The following KCNMA1 variants were observed in gnomAD, a reference collection of about 807,000 sequenced individuals.
KCNMA1 encodes potassium calcium-activated channel subfamily M alpha 1.
A neutral mutation model predicts 140.0 loss-of-function variants in KCNMA1; 29 were observed. The observed-to-expected ratio is 0.21, with a 90% confidence interval of 0.15 to 0.28. KCNMA1 has a LOEUF of 0.28. Among genes scored for constraint, KCNMA1 ranks in the 10% least tolerant of loss-of-function variants. KCNMA1 has a pLI of 1.00. For synonymous variants in KCNMA1, 612 were observed against 611.9 expected (o/e 1.00, Z 0.00); for missense variants, 880 against 1,602.2 (o/e 0.55, Z 7.70).
intron 6 of KCNMA1, among the ~76,000 whole-genome samples, chr10:77,114,347 C>G (rs1275454762): frequency 2.0e-5 from 3 of 152,174 alleles, no homozygotes; most frequent in Non-Finnish European, 4.4e-5. Flanking sequence ...TCTGCCCCTG[C>G]TCTCTTTCTA....
At chr10:77,461,952 G>T (rs1448958368) in intron 1 of KCNMA1, among the ~76,000 whole-genome samples, 1 of 151,998 alleles carries the variant, frequency 6.6e-6, no homozygotes, top group East Asian at 1.9e-4. Context: ...CTGACTATGG[G>T]GCTTCACAGA....
At chr10:77,594,643 C>T (rs1425326393) in intron 1 of KCNMA1, among the ~76,000 whole-genome samples, 1 of 152,174 alleles carries the variant, frequency 6.6e-6, no homozygotes, top group Non-Finnish European at 1.5e-5. Flanking sequence ...TGAGAAGACA[C>T]TTCAAAAACT....
chr10:77,098,122 A>T (rs2096984758), intron 9 of KCNMA1, among the ~76,000 whole-genome samples: 1 of 152,202 alleles, frequency 6.6e-6, no homozygotes. Context: ...GACCTCCATA[A>T]TTAGACCGTG....
intron 1 of KCNMA1, among the ~76,000 whole-genome samples, chr10:77,437,690 T>TTC (rs2097293515): frequency 6.6e-6 from 1 of 152,180 alleles, no homozygotes; most frequent in African/African-American, 2.4e-5. Flanking sequence ...CTTAATGGGC[T>TTC]TCTGATGGCA....
intron 23 of KCNMA1, among the ~76,000 whole-genome samples, chr10:76,942,381 A>C (rs1468135255): frequency 6.6e-6 from 1 of 152,204 alleles, no homozygotes; most frequent in East Asian, 1.9e-4. Context: ...CAATGTATGT[A>C]TTTGGCAGGG....
chr10:77,359,436 G>C (rs559670052), intron 2 of KCNMA1, among the ~76,000 whole-genome samples: 1 of 152,140 alleles, frequency 6.6e-6, no homozygotes, highest in Non-Finnish European at 1.5e-5. Flanking sequence ...AACAACACAG[G>C]CCTGTGGGGT....
intron 2 of KCNMA1, among the ~76,000 whole-genome samples, chr10:77,370,999 A>G (rs147577128): frequency 1.0e-3 from 156 of 152,296 alleles, no homozygotes; most frequent in African/African-American, 3.5e-3. Context: ...CAACAACACC[A>G]TATGAAGACT....
chr10:77,109,375 T>G (rs1402627330), intron 8 of KCNMA1, among the ~76,000 whole-genome samples: 2 of 149,524 alleles, frequency 1.3e-5, no homozygotes, highest in Non-Finnish European at 3.0e-5. Flanking sequence ...GTGTATGGAT[T>G]AGGATTTTAA....
intron 3 of KCNMA1, among the ~76,000 whole-genome samples, chr10:77,228,641 T>G (rs1295552426): frequency 6.6e-6 from 1 of 152,238 alleles, no homozygotes; most frequent in African/African-American, 2.4e-5. Flanking sequence ...AAATATCAAT[T>G]TGAAGGCACA....
chr10:77,359,578 C>A lies in KCNMA1; in HGVS notation c.540+44284G>T, dbSNP rs955776342. On this transcript the variant is annotated intron_variant, in intron 2 of 27. Coordinates refer to ENST00000286628, the MANE Select transcript of KCNMA1 (RefSeq NM_001161352.2). ...AAAAAAGCATGTTCTCATTATGAAA[C>A]CTTAGAAGGCAGCTCCCACGCCAGG... Among the ~76,000 whole-genome samples, 4 of 152,172 alleles carry A rather than the reference C, an allele frequency of 2.6e-5. No individual in the cohort carries two copies. The South Asian group carries it at 8.3e-4, about 32-fold the overall frequency.
chr10:77,485,682 G>A (rs1227157865), intron 1 of KCNMA1, among the ~76,000 whole-genome samples: 2 of 152,206 alleles, frequency 1.3e-5, no homozygotes, highest in East Asian at 3.8e-4. Context: ...GACCTAACAA[G>A]CAAGAGCAGG....
At chr10:77,180,662 G>C (rs2098795938) in intron 5 of KCNMA1, among the ~76,000 whole-genome samples, 2 of 152,168 alleles carry the variant, frequency 1.3e-5, no homozygotes, top group South Asian at 2.1e-4. Context: ...AGGGTAGGGG[G>C]ATAGGACTCT....
chr10:76,977,529 A>T (rs771023815), intron 19 of KCNMA1: 2 of 702,776 alleles, frequency 2.8e-6, no homozygotes, highest in Non-Finnish European at 5.2e-6. Context: ...AGACTAAGAT[A>T]TTAACTCGCT....
intron 9 of KCNMA1, among the ~76,000 whole-genome samples, chr10:77,094,766 T>C (rs1220083752): frequency 1.3e-5 from 2 of 152,078 alleles, no homozygotes; most frequent in African/African-American, 2.4e-5. Flanking sequence ...AGTGGCTCAA[T>C]CAGAGGTAAT....
intron 1 of KCNMA1, among the ~76,000 whole-genome samples, chr10:77,516,887 G>A (rs939235159): frequency 1.3e-5 from 2 of 152,114 alleles, no homozygotes; most frequent in Admixed American, 6.5e-5. Context: ...GCATGTGTGA[G>A]CAGCTGCAGG....
At chr10:77,121,126 A>G (rs1253897355) in intron 5 of KCNMA1, 78 bp from the exon 6 acceptor site, 1 of 957,608 alleles carries the variant, frequency 1.0e-6, no homozygotes, top group East Asian at 2.4e-5. Flanking sequence ...TTTGATTTAC[A>G]GTTCCCAAGG....
intron 1 of KCNMA1, among the ~76,000 whole-genome samples, chr10:77,578,582 G>C (rs1378196136): frequency 6.6e-6 from 1 of 152,174 alleles, no homozygotes; most frequent in African/African-American, 2.4e-5. Flanking sequence ...TGTGAGCCTG[G>C]AAGAAGAGAA....
chr10:77,533,722 G>A (rs2058239236), intron 1 of KCNMA1, among the ~76,000 whole-genome samples: 1 of 152,160 alleles, frequency 6.6e-6, no homozygotes, highest in South Asian at 2.1e-4. Flanking sequence ...AAAGGAGGAT[G>A]AACTCCCCCT....
At chr10:77,366,997 G>A (rs565090204) in intron 2 of KCNMA1, among the ~76,000 whole-genome samples, 2 of 152,336 alleles carry the variant, frequency 1.3e-5, no homozygotes, top group African/African-American at 4.8e-5. Flanking sequence ...CATAGATCTT[G>A]TCTTTGAAAA....
Sources: gnomAD v4.1 joint callset for allele counts (sites outside exome capture counted in the v4.1 genomes callset) on GRCh38, gnomAD v4.1.1 for gene constraint, MANE v1.5 for transcripts, NCBI Gene and HGNC (gene_info 2026-07-23, HGNC 2026-07-21) for gene names.